The following CYRIB variants were observed in gnomAD, a reference collection of about 807,000 sequenced individuals.
The protein encoded by CYRIB is CYFIP-related Rac1 interactor B.
Under a neutral mutation model 44.2 loss-of-function variants are expected in CYRIB, and 8 were observed. The observed-to-expected ratio is 0.18, with a 90% confidence interval of 0.11 to 0.33. The LOEUF is 0.33. CYRIB is among the 10% of genes least tolerant of loss of function. CYRIB has a pLI of 1.00. For missense variants in CYRIB, 185 were observed against 382.8 expected, an observed-to-expected ratio of 0.48 and a Z score of 4.31; for synonymous variants, 131 against 127.2, an observed-to-expected ratio of 1.03 and a Z score of -0.20.
chr8:129,853,079 G>GTGGGAGGAGGAGA (rs1191943782), intron 7 of CYRIB, among the ~76,000 whole-genome samples: 4 of 152,174 alleles, frequency 2.6e-5, no homozygotes, highest in African/African-American at 9.7e-5. Flanking sequence ...TGTTGGAACA[G>GTGGGAGGAGGAGA]TGGGAGGAGG....
At chr8:129,904,052 C>T (rs2073883313) in intron 1 of CYRIB, among the ~76,000 whole-genome samples, 1 of 152,156 alleles carries the variant, frequency 6.6e-6, no homozygotes, top group Non-Finnish European at 1.5e-5. Flanking sequence ...CCATGCCGGG[C>T]TTGGTTTTAC....
chr8:129,906,054 C>T (rs181148615), intron 1 of CYRIB, among the ~76,000 whole-genome samples: 2 of 152,004 alleles, frequency 1.3e-5, no homozygotes, highest in African/African-American at 4.8e-5. Context: ...TCAATGCCAT[C>T]CCCATCAAGC....
At chr8:129,942,145 C>A (rs1323956570), upstream of CYRIB, among the ~76,000 whole-genome samples, 2 of 152,108 alleles carry the variant, frequency 1.3e-5, no homozygotes, top group African/African-American at 4.8e-5. Flanking sequence ...TCGAGACCAG[C>A]CAGGCCAACA....
chr8:129,934,754 A>T (rs1412553907), intron 1 of CYRIB, among the ~76,000 whole-genome samples: 1 of 152,192 alleles, frequency 6.6e-6, no homozygotes, highest in Non-Finnish European at 1.5e-5. Context: ...TGGGGGTCCG[A>T]AGGAATTCCC....
intron 2 of CYRIB, among the ~76,000 whole-genome samples, chr8:129,961,861 G>A (rs1591254456): frequency 6.6e-6 from 1 of 152,242 alleles, no homozygotes; most frequent in South Asian, 2.1e-4. Flanking sequence ...CTGAATTCTG[G>A]CCTTGTCAGA....
At chr8:129,952,396 T>C (rs1399653359) in intron 2 of CYRIB, among the ~76,000 whole-genome samples, 2 of 152,148 alleles carry the variant, frequency 1.3e-5, no homozygotes, top group Non-Finnish European at 2.9e-5. Context: ...ATTACATGTA[T>C]ATGTATGTAT....
intron 1 of CYRIB, among the ~76,000 whole-genome samples, chr8:129,916,046 T>C (rs1489467942): frequency 6.6e-6 from 1 of 152,224 alleles, no homozygotes; most frequent in Non-Finnish European, 1.5e-5. Context: ...TAAAATCATA[T>C]CTTGTCCCAA....
At chr8:129,953,806 G>A (rs2094630519) in intron 2 of CYRIB, among the ~76,000 whole-genome samples, 1 of 152,168 alleles carries the variant, frequency 6.6e-6, no homozygotes, top group African/African-American at 2.4e-5. Context: ...AGGTAAGATT[G>A]AACCCTCGCC....
At chr8:129,978,447 T>A (rs2096059057) in intron 1 of CYRIB, among the ~76,000 whole-genome samples, 1 of 152,144 alleles carries the variant, frequency 6.6e-6, no homozygotes, top group Non-Finnish European at 1.5e-5. Flanking sequence ...CGTAACAGAT[T>A]TAGAGAGAAT....
chr8:129,965,862 A>AT (rs1438433620), intron 2 of CYRIB, among the ~76,000 whole-genome samples: 3 of 151,042 alleles, frequency 2.0e-5, no homozygotes, highest in Non-Finnish European at 4.4e-5. Flanking sequence ...TTGTTTGTTC[A>AT]TTTTTTGAGG....
intron 4 of CYRIB, among the ~76,000 whole-genome samples, chr8:129,863,176 C>T (rs1353922558): frequency 6.6e-6 from 1 of 152,136 alleles, no homozygotes; most frequent in African/African-American, 2.4e-5. Flanking sequence ...AGGGTCTAAA[C>T]TAGCATTAAG....
chr8:129,853,613 T>G (rs6996782), intron 7 of CYRIB, among the ~76,000 whole-genome samples: 2,763 of 152,324 alleles, frequency 0.018, 96 homozygotes, highest in African/African-American at 0.061. Flanking sequence ...CAAGTTAATA[T>G]TTTCTTCCGC....
At chr8:129,912,762 C>G (rs918126649) in intron 1 of CYRIB, among the ~76,000 whole-genome samples, 1 of 151,344 alleles carries the variant, frequency 6.6e-6, no homozygotes. Context: ...ATATGATAAT[C>G]AACAGGATGA....
At chr8:129,960,562 G>A (rs1279805404) in intron 2 of CYRIB, among the ~76,000 whole-genome samples, 2 of 149,584 alleles carry the variant, frequency 1.3e-5, no homozygotes, top group Admixed American at 6.8e-5. Flanking sequence ...AAGATCGATC[G>A]CTTAAACCTG....
intron 1 of CYRIB, among the ~76,000 whole-genome samples, chr8:129,976,101 A>T (rs975612766): frequency 6.6e-6 from 1 of 152,182 alleles, no homozygotes. Flanking sequence ...ACAAAAAAAA[A>T]ATTTAAATAA....
Position 129,925,313 on chromosome 8 carries a change from G to A in CYRIB, c.-50+14295C>T, listed in dbSNP as rs181851947. Among the ~76,000 whole-genome samples, 555 of 152,276 alleles carry A rather than the reference G, an allele frequency of 3.6e-3. 4 individuals carry two copies. The highest frequency in any genetic ancestry group is 0.013 in the African/African-American group (538 of 41,542). On this transcript the variant is annotated intron_variant, in intron 1 of 11. Transcript: ENST00000519824. ...CTCAGGAGGCTGAGGCACGAGAATT[G>A]CTTGAACCAGGGAGGTTGCAGTGAG...
At position 129,936,704 on chromosome 8, in the gene CYRIB, C is replaced by CTT. The variant is rs397893033; in HGVS notation, c.-50+2902_-50+2903dup. Among the ~76,000 whole-genome samples the CTT allele has an allele frequency of 6.5e-4, 77 of 118,234 alleles. No homozygotes were observed. The South Asian group carries it at 8.2e-3, about 13-fold the overall frequency. The allele number at this position is 118,234 out of a possible 152,430, so 77.6% of individuals were successfully genotyped here. On this transcript the variant is annotated intron_variant, in intron 1 of 11. Coordinates refer to ENST00000519824, the Ensembl canonical transcript of CYRIB. ...AAATTAGATAACCCAATATAGCAGTCTTTTTTTTTTTTTTTTTTTTGAGAC... is the reference window on the plus strand; with the variant it reads ...AAATTAGATAACCCAATATAGCAGTCTTTTTTTTTTTTTTTTTTTTTTGAGAC...
intron 2 of CYRIB, among the ~76,000 whole-genome samples, chr8:129,952,586 A>G (rs1425031912): frequency 6.6e-6 from 1 of 152,148 alleles, no homozygotes; most frequent in Non-Finnish European, 1.5e-5. Flanking sequence ...AACGTTTTGA[A>G]CCATTTTGTT....
chr8:129,984,423 C>T (rs1416174620), intron 1 of CYRIB, among the ~76,000 whole-genome samples: 1 of 152,140 alleles, frequency 6.6e-6, no homozygotes, highest in African/African-American at 2.4e-5. Flanking sequence ...CCCACAGTCA[C>T]TGCTGTTACT....
Sources: gnomAD v4.1 joint callset for allele counts (sites outside exome capture counted in the v4.1 genomes callset) on GRCh38, gnomAD v4.1.1 for gene constraint, MANE v1.5 for transcripts, NCBI Gene and HGNC (gene_info 2026-07-23, HGNC 2026-07-21) for gene names.